Variants in ANGPT1 observed in about 807,000 individuals in gnomAD.
The protein encoded by ANGPT1 is angiopoietin-1.
Under a neutral mutation model 62.2 loss-of-function variants are expected in ANGPT1, and 17 were observed. The observed-to-expected ratio is 0.27, with a 90% confidence interval of 0.19 to 0.41. The LOEUF (loss-of-function observed/expected upper bound fraction) is 0.41. Among genes scored for constraint, ANGPT1 ranks in the 10% least tolerant of loss-of-function variants. The pLI is 1.00. For missense variants in ANGPT1, 478 were observed against 594.9 expected (o/e 0.80, Z 2.04); for synonymous variants, 199 against 198.9 (o/e 1.00, Z 0.00).
chr8:107,266,711 CTAATA>C (rs140008344), intron 7 of ANGPT1, among the ~76,000 whole-genome samples: 28,073 of 151,916 alleles, frequency 0.18, 3,377 homozygotes, highest in Middle Eastern at 0.29. Flanking sequence ...TTTAAGCTCA[CTAATA>C]AAGACAGACT....
chr8:107,413,662 A>G (rs986818644), intron 1 of ANGPT1, among the ~76,000 whole-genome samples: 4 of 150,380 alleles, frequency 2.7e-5, no homozygotes, highest in African/African-American at 9.7e-5. Context: ...TTAAATTAAT[A>G]TTATAAAATT....
chr8:107,432,413 C>T (rs1811212460), intron 1 of ANGPT1, among the ~76,000 whole-genome samples: 1 of 152,062 alleles, frequency 6.6e-6, no homozygotes. Flanking sequence ...GCCTGTAATC[C>T]CAGCACTTTG....
At chr8:107,340,585 G>A (rs950647970) in intron 2 of ANGPT1, among the ~76,000 whole-genome samples, 3 of 151,852 alleles carry the variant, frequency 2.0e-5, no homozygotes, top group Non-Finnish European at 4.4e-5. Flanking sequence ...TGTCACCCAG[G>A]CTGGAATGCA....
At chr8:107,435,573 G>A (rs1811313099) in intron 1 of ANGPT1, among the ~76,000 whole-genome samples, 1 of 152,114 alleles carries the variant, frequency 6.6e-6, no homozygotes, top group Non-Finnish European at 1.5e-5. Flanking sequence ...CTGGGCACAG[G>A]GATCTGGCAA....
chr8:107,371,573 C>CT lies in ANGPT1; in HGVS notation c.298-24477dup, dbSNP rs5893851. ...CCCCTCTCTCTTGGTGCTGAGCATT[C>CT]TTTTTTTTTTTTTTTTTTTTTTGGA... On this transcript the variant is annotated intron_variant, in intron 1 of 8. Transcript: ENST00000517746. Among the ~76,000 whole-genome samples, 875 of 102,092 alleles carry CT rather than the reference C, an allele frequency of 8.6e-3. 14 individuals carry two copies. The highest frequency in any genetic ancestry group is 0.024 in the African/African-American group (649 of 27,354). 67.0% of individuals were successfully genotyped at this position (102,092 alleles called of 152,430 possible).
chr8:107,332,369 A>G (rs1193414765), intron 3 of ANGPT1, among the ~76,000 whole-genome samples: 1 of 152,188 alleles, frequency 6.6e-6, no homozygotes, highest in Non-Finnish European at 1.5e-5. Context: ...AGCATCCAAC[A>G]AAAGAAAAAC....
chr8:107,275,685 C>T (rs747675400), intron 7 of ANGPT1, among the ~76,000 whole-genome samples: 2 of 152,128 alleles, frequency 1.3e-5, no homozygotes, highest in Non-Finnish European at 2.9e-5. Flanking sequence ...GACATTTTAT[C>T]CTAGGATAGC....
chr8:107,253,893 A>C (rs1422166376), intron 8 of ANGPT1, among the ~76,000 whole-genome samples: 1 of 152,208 alleles, frequency 6.6e-6, no homozygotes, highest in Admixed American at 6.5e-5. Flanking sequence ...AAGTGGGGTA[A>C]TGTTTGCAAT....
At chr8:107,453,210 GA>G (rs1811823724) in intron 1 of ANGPT1, among the ~76,000 whole-genome samples, 1 of 151,996 alleles carries the variant, frequency 6.6e-6, no homozygotes. Context: ...TTTTATTCCA[GA>G]AATTCGATTT....
intron 1 of ANGPT1, among the ~76,000 whole-genome samples, chr8:107,350,435 C>G (rs1815907585): frequency 6.6e-6 from 1 of 152,108 alleles, no homozygotes; most frequent in African/African-American, 2.4e-5. Context: ...CTAGTCTTCA[C>G]AGGGAGGACA....
At chr8:107,467,703 T>G (rs578144058) in intron 1 of ANGPT1, among the ~76,000 whole-genome samples, 1 of 152,152 alleles carries the variant, frequency 6.6e-6, no homozygotes, top group East Asian at 1.9e-4. Context: ...AAGGTAAAAT[T>G]GACCACACAA....
intron 4 of ANGPT1, among the ~76,000 whole-genome samples, chr8:107,308,998 T>A (rs1428449348): frequency 6.6e-6 from 1 of 152,138 alleles, no homozygotes; most frequent in Non-Finnish European, 1.5e-5. Context: ...TCAATTCAGA[T>A]GAACCCTCAA....
chr8:107,366,552 C>T (rs894181440), intron 1 of ANGPT1, among the ~76,000 whole-genome samples: 1 of 152,074 alleles, frequency 6.6e-6, no homozygotes, highest in South Asian at 2.1e-4. Flanking sequence ...AACATGGGCT[C>T]ACTGTTTTTT....
At chr8:107,481,627 G>A (rs894140958) in intron 1 of ANGPT1, among the ~76,000 whole-genome samples, 4 of 149,650 alleles carry the variant, frequency 2.7e-5, no homozygotes, top group South Asian at 2.2e-4. Context: ...AGAAATACCC[G>A]AAACTGGGTA....
chr8:107,412,241 A>G (rs543637073), intron 1 of ANGPT1, among the ~76,000 whole-genome samples: 11 of 152,284 alleles, frequency 7.2e-5, no homozygotes, highest in African/African-American at 2.2e-4. Flanking sequence ...CCTAAATTGC[A>G]TGTCCATACT....
chr8:107,264,026 G>A (rs1813556960), intron 8 of ANGPT1, among the ~76,000 whole-genome samples, 195 bp downstream of exon 8: 1 of 152,106 alleles, frequency 6.6e-6, no homozygotes, highest in African/African-American at 2.4e-5. Context: ...TGTTGGGGGA[G>A]GACGCAAACC....
intron 1 of ANGPT1, among the ~76,000 whole-genome samples, chr8:107,466,963 A>T (rs1354481779): frequency 6.6e-6 from 1 of 152,006 alleles, no homozygotes; most frequent in Non-Finnish European, 1.5e-5. Flanking sequence ...CTCCTGCTCC[A>T]CCAGTACTAC....
intron 1 of ANGPT1, among the ~76,000 whole-genome samples, chr8:107,432,914 G>A (rs1411768630): frequency 6.6e-6 from 1 of 151,678 alleles, no homozygotes; most frequent in Non-Finnish European, 1.5e-5. Flanking sequence ...TTTTTATTTG[G>A]ACATTTATTT....
chr8:107,436,021 G>A (rs987564171), intron 1 of ANGPT1, among the ~76,000 whole-genome samples: 4 of 152,110 alleles, frequency 2.6e-5, no homozygotes, highest in African/African-American at 9.7e-5. Flanking sequence ...TCTCACCTCA[G>A]CCTCCCGAGA....
Sources: allele counts gnomAD v4.1 joint callset (sites outside exome capture counted in the v4.1 genomes callset), GRCh38; gene constraint gnomAD v4.1.1; transcripts MANE v1.5; gene names NCBI Gene and HGNC (gene_info 2026-07-23, HGNC 2026-07-21).